The following DPYD variants were observed in gnomAD, a reference collection of about 807,000 sequenced individuals.
The protein encoded by DPYD is dihydropyrimidine dehydrogenase, also known as dihydropyrimidine dehydrogenase [NADP(+)].
DPYD carries 109 observed loss-of-function variants against 116.2 expected under a neutral mutation model. That is an observed-to-expected ratio of 0.94 (90% CI 0.80 to 1.10). The LOEUF is 1.10. Among genes scored for constraint, DPYD ranks in the 50% least tolerant of loss-of-function variants. DPYD has a pLI of 0.00. For synonymous variants in DPYD, 440 were observed against 432.0 expected, an observed-to-expected ratio of 1.02 and a Z score of -0.23; for missense variants, 1,302 against 1,254.5, an observed-to-expected ratio of 1.04 and a Z score of -0.57.
chr1:97,493,378 G>T (rs543715858), intron 13 of DPYD, among the ~76,000 whole-genome samples: 1 of 152,270 alleles, frequency 6.6e-6, no homozygotes, highest in Non-Finnish European at 1.5e-5. Flanking sequence ...AGAGCCCAGA[G>T]GAGTTCAAAT....
At chr1:97,393,333 G>A (rs1570655858) in intron 14 of DPYD, among the ~76,000 whole-genome samples, 1 of 151,234 alleles carries the variant, frequency 6.6e-6, no homozygotes, top group East Asian at 2.0e-4. Flanking sequence ...TAGGGTACAT[G>A]TTCACAACGT....
At chr1:97,850,397 C>T (rs1670512578) in intron 2 of DPYD, among the ~76,000 whole-genome samples, 1 of 152,152 alleles carries the variant, frequency 6.6e-6, no homozygotes, top group South Asian at 2.1e-4. Flanking sequence ...TTAAGATATG[C>T]TTAACTAAAT....
intron 14 of DPYD, among the ~76,000 whole-genome samples, chr1:97,421,069 C>T (rs1010504150): frequency 4.6e-5 from 7 of 152,084 alleles, no homozygotes; most frequent in African/African-American, 1.2e-4. Context: ...TGATGTCTTA[C>T]GGCCTATATA....
At chr1:97,710,067 C>T (rs1206230243) in intron 5 of DPYD, among the ~76,000 whole-genome samples, 1 of 151,710 alleles carries the variant, frequency 6.6e-6, no homozygotes, top group Non-Finnish European at 1.5e-5. Context: ...ATTTCATTAT[C>T]AAATAAAAAT....
At chr1:97,399,732 T>G (rs1163233790) in intron 14 of DPYD, among the ~76,000 whole-genome samples, 1 of 152,076 alleles carries the variant, frequency 6.6e-6, no homozygotes, top group Non-Finnish European at 1.5e-5. Context: ...AGTTCACTCA[T>G]GATTTGGCTC....
intron 13 of DPYD, among the ~76,000 whole-genome samples, chr1:97,489,225 T>A (rs1454141197): frequency 6.6e-6 from 1 of 152,196 alleles, no homozygotes; most frequent in Non-Finnish European, 1.5e-5. Context: ...AACCACAGAA[T>A]TTTTGGTATG....
chr1:97,857,359 T>C lies in DPYD; in HGVS notation c.150+25905A>G, dbSNP rs963532495. 4.6e-5 allele frequency among the ~76,000 whole-genome samples: 7 copies of C among 152,292 alleles called. No individual in the cohort carries two copies. In the South Asian group the frequency reaches 6.2e-4, roughly 14 times the overall value. ...CTTTTTGTATATTAATGTTGACTGA[T>C]AGCATCAGGATAAGGCTGGTTACCA... On this transcript the variant is annotated intron_variant, in intron 2 of 22. Coordinates refer to ENST00000370192, the MANE Select transcript of DPYD (RefSeq NM_000110.4).
At chr1:97,515,402 A>G (rs17116821) in intron 13 of DPYD, among the ~76,000 whole-genome samples, 6,655 of 152,032 alleles carry the variant, frequency 0.044, 498 homozygotes, top group African/African-American at 0.15. Context: ...TTGTGTCCCT[A>G]TCTTTGAGCT....
intron 20 of DPYD, among the ~76,000 whole-genome samples, chr1:97,120,967 G>A (rs1006733476): frequency 6.6e-5 from 10 of 152,166 alleles, no homozygotes; most frequent in Admixed American, 6.5e-4. Context: ...ATTAATCTCT[G>A]GGGAGAGTTC....
chr1:97,335,316 A>G (rs1669230200), intron 16 of DPYD, among the ~76,000 whole-genome samples: 1 of 146,546 alleles, frequency 6.8e-6, no homozygotes, highest in African/African-American at 2.5e-5. Flanking sequence ...ACACACACAC[A>G]CACACACACA....
At chr1:97,819,594 A>C (rs1170063014) in intron 3 of DPYD, among the ~76,000 whole-genome samples, 1 of 152,004 alleles carries the variant, frequency 6.6e-6, no homozygotes, top group Non-Finnish European at 1.5e-5. Context: ...TATTTTGTTA[A>C]TACTTTCTCA....
chr1:97,368,366 AG>A (rs571703088), intron 16 of DPYD, among the ~76,000 whole-genome samples: 113 of 152,292 alleles, frequency 7.4e-4, no homozygotes, highest in Middle Eastern at 3.4e-3. Context: ...GGTTCTTCTC[AG>A]TCACAAAATT....
chr1:97,430,444 A>T (rs901920623), intron 14 of DPYD, among the ~76,000 whole-genome samples: 6 of 152,238 alleles, frequency 3.9e-5, no homozygotes, highest in African/African-American at 1.4e-4. Context: ...AAAAAAACAG[A>T]AACATTTTAT....
intron 8 of DPYD, among the ~76,000 whole-genome samples, chr1:97,612,911 G>T (rs568553595): frequency 2.4e-4 from 37 of 151,974 alleles, no homozygotes; most frequent in African/African-American, 8.9e-4. Context: ...CTACATGGAT[G>T]TTTTTTCATT....
intron 2 of DPYD, among the ~76,000 whole-genome samples, chr1:97,846,702 T>C (rs935440509): frequency 2.0e-5 from 3 of 152,250 alleles, no homozygotes; most frequent in East Asian, 1.9e-4. Context: ...TCAACAATGA[T>C]AATGTTTGCA....
chr1:97,526,626 G>T (rs1331487239), intron 12 of DPYD, among the ~76,000 whole-genome samples: 2 of 152,040 alleles, frequency 1.3e-5, no homozygotes, highest in African/African-American at 2.4e-5. Context: ...AGAGATTCAG[G>T]CTTGGCCAAT....
chr1:97,197,252 A>G (rs1329779018), intron 19 of DPYD, among the ~76,000 whole-genome samples: 2 of 152,134 alleles, frequency 1.3e-5, no homozygotes, highest in African/African-American at 2.4e-5. Context: ...AATTATAAGG[A>G]ACATCATTAT....
intron 16 of DPYD, among the ~76,000 whole-genome samples, chr1:97,340,361 A>G (rs1364144973): frequency 2.0e-5 from 3 of 152,164 alleles, no homozygotes; most frequent in Non-Finnish European, 2.9e-5. Context: ...AAGAAAAGAC[A>G]TATAGGGAAA....
intron 8 of DPYD, among the ~76,000 whole-genome samples, chr1:97,640,473 T>C (rs537447660): frequency 3.9e-5 from 6 of 152,228 alleles, no homozygotes; most frequent in African/African-American, 1.4e-4. Context: ...CATGACCAGC[T>C]AATTTTTGTA....
Sources: gnomAD v4.1 joint callset for allele counts (sites outside exome capture counted in the v4.1 genomes callset) on GRCh38, gnomAD v4.1.1 for gene constraint, MANE v1.5 for transcripts, NCBI Gene and HGNC (gene_info 2026-07-23, HGNC 2026-07-21) for gene names.